DPP6: variants seen among roughly 807,000 people sequenced by gnomAD.
DPP6 encodes dipeptidyl peptidase like 6.
DPP6 carries 69 observed loss-of-function variants against 122.6 expected under a neutral mutation model. The observed-to-expected ratio is 0.56, with a 90% CI of 0.46 to 0.69. The LOEUF (loss-of-function observed/expected upper bound fraction) is 0.69, where lower values mean the gene tolerates loss of function less well. DPP6 is among the 30% of genes least tolerant of loss of function. The probability of loss-of-function intolerance (pLI) is 0.00; values close to 1 mark genes in which losing one functional copy is unlikely to be tolerated. For synonymous variants in DPP6, 418 were observed against 433.1 expected, an observed-to-expected ratio of 0.97 and a Z score of 0.43; for missense variants, 928 against 1,116.9, an observed-to-expected ratio of 0.83 and a Z score of 2.41.
intron 8 of DPP6, among the ~76,000 whole-genome samples, chr7:154,729,983 GGCA>G (rs1466475222): frequency 6.6e-6 from 1 of 152,172 alleles, no homozygotes; most frequent in Non-Finnish European, 1.5e-5. Context: ...AAGAGGTACA[GGCA>G]GCAGCACAAA....
chr7:154,620,743 A>G (rs1249297930), intron 5 of DPP6, among the ~76,000 whole-genome samples: 1 of 152,200 alleles, frequency 6.6e-6, no homozygotes, highest in African/African-American at 2.4e-5. Context: ...CATTAGTTAT[A>G]CTTCCATACC....
chr7:154,115,252 C>T (rs1354477248), intron 1 of DPP6, among the ~76,000 whole-genome samples: 2 of 152,312 alleles, frequency 1.3e-5, no homozygotes, highest in Middle Eastern at 3.4e-3. Context: ...CTCATCAGCT[C>T]ATGGTAAACA....
chr7:154,596,072 G>A (rs565073260), intron 5 of DPP6, among the ~76,000 whole-genome samples: 2 of 152,244 alleles, frequency 1.3e-5, no homozygotes, highest in South Asian at 2.1e-4. Context: ...AAAAAGAAAG[G>A]TTATGCCTCA....
chr7:153,869,982 A>C, the DPP6 span, among the ~76,000 whole-genome samples: 1 of 152,214 alleles, frequency 6.6e-6, no homozygotes, highest in Non-Finnish European at 1.5e-5. Context: ...ATTGGCCCCT[A>C]TTCTCTTCTG....
intron 1 of DPP6, among the ~76,000 whole-genome samples, chr7:154,263,351 C>G (rs1803160345): frequency 6.6e-6 from 1 of 152,156 alleles, no homozygotes; most frequent in Non-Finnish European, 1.5e-5. Flanking sequence ...GATTAGGGAG[C>G]TGATTAGAAC....
At chr7:153,986,262 C>T (rs141110500) in intron 1 of DPP6, among the ~76,000 whole-genome samples, 2 of 151,966 alleles carry the variant, frequency 1.3e-5, no homozygotes, top group African/African-American at 2.4e-5. Flanking sequence ...CATTTCATGC[C>T]ATCATGTCTT....
intron 1 of DPP6, among the ~76,000 whole-genome samples, chr7:154,352,152 T>G (rs1810913949): frequency 6.6e-6 from 1 of 152,038 alleles, no homozygotes; most frequent in Non-Finnish European, 1.5e-5. Flanking sequence ...TTGGAGTGTC[T>G]TGGGTTACCT....
At chr7:154,336,490 G>T (rs543815760) in intron 1 of DPP6, among the ~76,000 whole-genome samples, 33 of 152,264 alleles carry the variant, frequency 2.2e-4, no homozygotes, top group Admixed American at 5.9e-4. Flanking sequence ...TGCTATGGAG[G>T]CACCAGGTCC....
chr7:154,685,978 G>T (rs1274306917), intron 7 of DPP6, among the ~76,000 whole-genome samples: 1 of 152,130 alleles, frequency 6.6e-6, no homozygotes, highest in Non-Finnish European at 1.5e-5. Context: ...TGCCATGATG[G>T]AAGCACTGGG....
intron 1 of DPP6, among the ~76,000 whole-genome samples, chr7:154,298,180 C>G (rs1042508378): frequency 1.3e-5 from 2 of 152,110 alleles, no homozygotes; most frequent in Non-Finnish European, 1.5e-5. Flanking sequence ...AACTCTTCCC[C>G]GGGTTTCCAG....
intron 16 of DPP6, among the ~76,000 whole-genome samples, chr7:154,846,690 A>G (rs1027549874): frequency 7.9e-5 from 12 of 152,238 alleles, no homozygotes; most frequent in African/African-American, 2.9e-4. Flanking sequence ...ATAGCAGAAA[A>G]TGAAAGGAAA....
the DPP6 span, among the ~76,000 whole-genome samples, chr7:153,872,537 T>C: frequency 0.73 from 111,626 of 152,154 alleles, 41,932 homozygotes; most frequent in African/African-American, 0.91. Context: ...TATATATTTA[T>C]AATTTTAAAA....
intron 12 of DPP6, 134 bp from the exon 13 acceptor site, chr7:154,801,220 CA>C: frequency 8.0e-7 from 1 of 1,253,828 alleles, no homozygotes; most frequent in Non-Finnish European, 1.1e-6. Flanking sequence ...CCTCATCAAG[CA>C]CTTATTATTT....
chr7:154,377,317 AGTGGACCACAATGGTGAGAGGAT>A (rs1813213166), intron 1 of DPP6, among the ~76,000 whole-genome samples: 3 of 152,308 alleles, frequency 2.0e-5, no homozygotes, highest in African/African-American at 7.2e-5. Flanking sequence ...AAGGGCAGGA[AGTGGACCACAATGGTGAGAGGAT>A]GTTGGCCCAC....
intron 1 of DPP6, among the ~76,000 whole-genome samples, chr7:154,424,245 C>G (rs192444993): frequency 2.0e-3 from 300 of 152,278 alleles, no homozygotes; most frequent in Non-Finnish European, 3.1e-3. Flanking sequence ...AGAAAACCTG[C>G]TAGGTGATGT....
chr7:153,828,529 A>C, the DPP6 span, among the ~76,000 whole-genome samples: 1 of 152,204 alleles, frequency 6.6e-6, no homozygotes, highest in Non-Finnish European at 1.5e-5. Flanking sequence ...AGATGGCATA[A>C]TATGATTGTT....
intron 1 of DPP6, among the ~76,000 whole-genome samples, chr7:154,111,434 A>T: frequency 6.6e-6 from 1 of 152,170 alleles, no homozygotes; most frequent in Non-Finnish European, 1.5e-5. Context: ...CTCTTCTAGA[A>T]GTGCATGGCA....
chr7:154,470,658 A>G (rs941395182), intron 2 of DPP6, among the ~76,000 whole-genome samples: 17 of 152,226 alleles, frequency 1.1e-4, no homozygotes, highest in Non-Finnish European at 2.5e-4. Context: ...CGTAAAGAGT[A>G]ACTACATCAC....
chr7:154,872,677 C>T lies in DPP6; in HGVS notation c.1867C>T (p.Pro623Ser), dbSNP rs1201435206. The T allele has an allele frequency of 2.5e-6, 4 of 1,598,734 alleles. No individual in the cohort carries two copies. Among genetic ancestry groups the T allele is most frequent in the Non-Finnish European group, 3.4e-6 (4 of 1,172,844 alleles). ...PATFTDTTHYPLLLVVDGTPG... is the reference protein window; with the variant it reads ...PATFTDTTHYSLLLVVDGTPG... Reference sequence around the variant, plus strand: ...AACCTTCACCGACACCACCCACTACCCTCTGCTCCTGGTGGTGTAAGTATC... The same window carrying T: ...AACCTTCACCGACACCACCCACTACTCTCTGCTCCTGGTGGTGTAAGTATC... Residue 623 changes from proline (P) to serine (S), a missense_variant, in exon 19 of 26, where the codon CCT (proline) becomes TCT (serine). Pro to Ser is a moderately conservative substitution (Grantham distance 74). Coordinates refer to ENST00000377770, the MANE Select transcript of DPP6 (RefSeq NM_130797.4).
Sources: allele counts gnomAD v4.1 joint callset (sites outside exome capture counted in the v4.1 genomes callset), GRCh38; gene constraint gnomAD v4.1.1; transcripts MANE v1.5; gene names NCBI Gene and HGNC (gene_info 2026-07-23, HGNC 2026-07-21).